Variants in ZNF98 observed in about 807,000 individuals in gnomAD.
ZNF98 encodes zinc finger protein 739.
ZNF98 carries 8 observed loss-of-function variants against 12.8 expected under a neutral mutation model. That is an observed-to-expected ratio of 0.63 (90% confidence interval 0.37 to 1.13). ZNF98 has a LOEUF of 1.13. ZNF98 is among the 50% of genes most tolerant of loss of function. The pLI is 0.01. For synonymous variants in ZNF98, 112 were observed against 223.5 expected (o/e 0.50, Z 4.45); for missense variants, 379 against 666.1 (o/e 0.57, Z 4.74).
chr19:22,414,232 CAAAAAAAAAAAAAA>C (rs57966582), intron 1 of ZNF98, among the ~76,000 whole-genome samples: 2 of 89,386 alleles, frequency 2.2e-5, no homozygotes, highest in Non-Finnish European at 3.9e-5. Flanking sequence ...GACTCCATCT[CAAAAAAAAAAAAAA>C]AAAAAAAAAA....
chr19:22,404,817 C>T (rs1969501811), intron 1 of ZNF98, among the ~76,000 whole-genome samples: 2 of 151,986 alleles, frequency 1.3e-5, no homozygotes, highest in African/African-American at 4.8e-5. Flanking sequence ...TTTTTCAAAA[C>T]TGTCTGGGTA....
intron 3 of ZNF98, among the ~76,000 whole-genome samples, chr19:22,400,897 G>T (rs1282953124): frequency 7.0e-6 from 1 of 143,334 alleles, no homozygotes; most frequent in Admixed American, 7.0e-5. Flanking sequence ...AGGTTGCAGT[G>T]AGCCGAGGCC....
intron 1 of ZNF98, among the ~76,000 whole-genome samples, chr19:22,420,870 A>G (rs1969696233): frequency 6.6e-6 from 1 of 152,372 alleles, no homozygotes; most frequent in East Asian, 1.9e-4. Context: ...AGAGGCACAG[A>G]GACTTTTTAC....
intron 3 of ZNF98, among the ~76,000 whole-genome samples, chr19:22,400,934 C>G (rs1318138956): frequency 1.6e-5 from 2 of 123,600 alleles, no homozygotes; most frequent in African/African-American, 3.2e-5. Flanking sequence ...GTCTCAGCGA[C>G]AGAGTGAGAC....
At chr19:22,407,444 TGG>T (rs1417572551) in intron 1 of ZNF98, among the ~76,000 whole-genome samples, 1 of 146,002 alleles carries the variant, frequency 6.8e-6, no homozygotes, top group African/African-American at 2.5e-5. Flanking sequence ...CTGGGCACGG[TGG>T]CTCACGCCTG....
chr19:22,405,369 A>T (rs1266773886), intron 1 of ZNF98, among the ~76,000 whole-genome samples: 1 of 151,910 alleles, frequency 6.6e-6, no homozygotes, highest in Non-Finnish European at 1.5e-5. Flanking sequence ...ATGGCCTGTG[A>T]ATCCTGCACT....
intron 3 of ZNF98, among the ~76,000 whole-genome samples, chr19:22,397,750 C>T (rs371638701): frequency 0.089 from 9,649 of 108,998 alleles, no homozygotes; most frequent in African/African-American, 0.21. Flanking sequence ...AAATTTCTCA[C>T]TGCATTTTTG....
At chr19:22,408,610 T>A (rs1382191173) in intron 1 of ZNF98, among the ~76,000 whole-genome samples, 3 of 152,128 alleles carry the variant, frequency 2.0e-5, no homozygotes, top group Non-Finnish European at 4.4e-5. Context: ...GGATACAAAA[T>A]CAATGTGCAA....
At chr19:22,397,261 T>C (rs1391713762) in intron 3 of ZNF98, among the ~76,000 whole-genome samples, 3 of 151,024 alleles carry the variant, frequency 2.0e-5, no homozygotes, top group African/African-American at 7.3e-5. Context: ...TCCAAACATA[T>C]AAAGCAAACA....
rs116270361 is a variant in ZNF98 at position 22,392,702 on chromosome 19, C to G, written c.533G>C (p.Gly178Ala). ...NSNRHKIGHT[G>A]KKSFKCKECE... ...TTCTTTACACTTGAAAGATTTCTTT[C>G]CAGTATGTCCTATCTTATGTCTGTT... Residue 178 changes from glycine to alanine, a missense_variant, in exon 4 of 4, where the codon GGA becomes GCA. By Grantham distance (60) the Gly-to-Ala change is moderately conservative. Transcript: ENST00000357774. 6,524 of 1,601,700 alleles carry G rather than the reference C, an allele frequency of 4.1e-3. 210 individuals are homozygous for G. In the African/African-American group the frequency reaches 0.076, roughly 19 times the overall value.
At chr19:22,396,975 C>T (rs558747233) in intron 3 of ZNF98, among the ~76,000 whole-genome samples, 7 of 151,842 alleles carry the variant, frequency 4.6e-5, no homozygotes, top group African/African-American at 1.4e-4. Flanking sequence ...AAAAATTAGC[C>T]GGGCATGGTG....
chr19:22,391,506 C>A lies in ZNF98; in HGVS notation c.*10G>T. 1 of 1,540,866 alleles carries A rather than the reference C, an allele frequency of 6.5e-7. No homozygotes were observed. Among genetic ancestry groups the A allele is most frequent in the Non-Finnish European group, 8.7e-7 (1 of 1,142,938 alleles). On this transcript the variant is annotated 3_prime_UTR_variant, in exon 4 of 4. Coordinates refer to ENST00000357774, the MANE Select transcript of ZNF98 (RefSeq NM_001098626.2). ...AACCATTTAAAGGCTTTGTCACATT[C>A]ATATTTCTATTATTTCTCACCAGCA...
chr19:22,410,760 G>A (rs1969572251), intron 1 of ZNF98, among the ~76,000 whole-genome samples: 1 of 152,156 alleles, frequency 6.6e-6, no homozygotes, highest in South Asian at 2.1e-4. Flanking sequence ...CTCACTCTAT[G>A]TAATGTGATT....
At chr19:22,416,464 G>A (rs529388831) in intron 1 of ZNF98, among the ~76,000 whole-genome samples, 28 of 149,826 alleles carry the variant, frequency 1.9e-4, no homozygotes, top group African/African-American at 5.7e-4. Flanking sequence ...GCAAGACTCC[G>A]TCTCAACAAC....
rs1969383632 is a variant in ZNF98, at chr19:22,395,698, A to G, written c.254-2717T>C. On this transcript the variant is annotated intron_variant, in intron 3 of 3. Coordinates refer to ENST00000357774, the MANE Select transcript of ZNF98 (RefSeq NM_001098626.2). ...AATTAGGATACACACACAGATATTT[A>G]AACAAATACATATTAAGCACATTTT... is the stretch of plus-strand genomic sequence containing the variant. Among the ~76,000 whole-genome samples, 4 of 152,346 alleles carry G rather than the reference A, an allele frequency of 2.6e-5. No homozygotes were observed. In the South Asian group the frequency reaches 8.3e-4, roughly 32 times the overall value.
intron 1 of ZNF98, among the ~76,000 whole-genome samples, chr19:22,403,809 T>A (rs1204526969): frequency 6.6e-6 from 1 of 152,250 alleles, no homozygotes; most frequent in Non-Finnish European, 1.5e-5. Context: ...TACATTTACA[T>A]CATACAGAAT....
chr19:22,422,098 C>T, intron 1 of ZNF98, 97 bp downstream of exon 1: 1 of 1,469,656 alleles, frequency 6.8e-7, no homozygotes, highest in Non-Finnish European at 9.5e-7. Flanking sequence ...GATTGTGGAG[C>T]TGACAGCGGG....
intron 1 of ZNF98, among the ~76,000 whole-genome samples, chr19:22,412,029 TAAC>T (rs1192462772): frequency 6.6e-6 from 1 of 152,112 alleles, no homozygotes; most frequent in Non-Finnish European, 1.5e-5. Flanking sequence ...GGCAGAAAAT[TAAC>T]AAAGATATTA....
intron 2 of ZNF98, among the ~76,000 whole-genome samples, 167 bp downstream of exon 2, chr19:22,403,219 C>T (rs933967286): frequency 7.3e-6 from 1 of 136,532 alleles, no homozygotes; most frequent in Non-Finnish European, 1.6e-5. Flanking sequence ...CAAAATGAAA[C>T]ATCTTGAAAT....
Sources: allele counts gnomAD v4.1 joint callset (sites outside exome capture counted in the v4.1 genomes callset), GRCh38; gene constraint gnomAD v4.1.1; transcripts MANE v1.5; gene names NCBI Gene and HGNC (gene_info 2026-07-23, HGNC 2026-07-21).